Variants in SEMA6D observed in about 807,000 individuals in gnomAD.
The protein encoded by SEMA6D is semaphorin-6D.
In SEMA6D, 35 loss-of-function variants were observed where a neutral mutation model predicts 106.6. The ratio of observed to expected loss-of-function variants is 0.33; its 90% CI spans 0.25 to 0.44. SEMA6D has a LOEUF of 0.44. SEMA6D is among the 20% of genes least tolerant of loss of function. The pLI is 1.00. For missense variants in SEMA6D, 1,185 were observed against 1,345.9 expected, an observed-to-expected ratio of 0.88 and a Z score of 1.87; for synonymous variants, 499 against 487.7, an observed-to-expected ratio of 1.02 and a Z score of -0.31.
intron 3 of SEMA6D, among the ~76,000 whole-genome samples, chr15:47,488,346 A>T (rs2043358472): frequency 6.6e-6 from 1 of 151,908 alleles, no homozygotes; most frequent in Non-Finnish European, 1.5e-5. Flanking sequence ...CTTTATAGAC[A>T]TGTCTGGTTT....
intron 1 of SEMA6D, among the ~76,000 whole-genome samples, chr15:47,398,768 C>A (rs535620343): frequency 1.6e-4 from 24 of 152,278 alleles, no homozygotes; most frequent in African/African-American, 5.8e-4. Context: ...GAGTAGCTGT[C>A]ATCACCCTCT....
intron 4 of SEMA6D, among the ~76,000 whole-genome samples, chr15:47,679,523 C>G (rs1466328136): frequency 6.6e-6 from 1 of 152,170 alleles, no homozygotes; most frequent in Non-Finnish European, 1.5e-5. Context: ...TCACTCTGGC[C>G]CCTCGGCAGC....
At chr15:47,663,746 G>A (rs1057308375) in intron 4 of SEMA6D, among the ~76,000 whole-genome samples, 10 of 152,204 alleles carry the variant, frequency 6.6e-5, no homozygotes, top group African/African-American at 1.4e-4. Context: ...GATATTCTAA[G>A]AGTTTGGATA....
At chr15:47,558,090 C>T (rs553393472) in intron 3 of SEMA6D, among the ~76,000 whole-genome samples, 1 of 152,222 alleles carries the variant, frequency 6.6e-6, no homozygotes, top group South Asian at 2.1e-4. Context: ...CATCATTTCA[C>T]TTCACTGGAC....
At chr15:47,188,267 A>G (rs912546731) in intron 1 of SEMA6D, among the ~76,000 whole-genome samples, 1 of 152,218 alleles carries the variant, frequency 6.6e-6, no homozygotes, top group Non-Finnish European at 1.5e-5. Context: ...AGTGATTCAA[A>G]TAAGCCCATT....
At chr15:47,647,719 C>CAAAAAAAAAAAAAAAAAAAAA (rs777557315) in intron 4 of SEMA6D, among the ~76,000 whole-genome samples, 19 of 93,820 alleles carry the variant, frequency 2.0e-4, no homozygotes, top group South Asian at 1.5e-3. Flanking sequence ...CAATTGTGGG[C>CAAAAAAAAAAAAAAAAAAAAA]AAAAAAAAAA....
chr15:47,720,253 T>A (rs868775792), intron 1 of SEMA6D, among the ~76,000 whole-genome samples: 1 of 147,074 alleles, frequency 6.8e-6, no homozygotes, highest in Non-Finnish European at 1.5e-5. Context: ...GCTATATCAA[T>A]AACCTTTCTT....
At chr15:47,461,359 T>C (rs910603373) in intron 2 of SEMA6D, among the ~76,000 whole-genome samples, 1 of 152,022 alleles carries the variant, frequency 6.6e-6, no homozygotes, top group African/African-American at 2.4e-5. Flanking sequence ...CACTCTTGAA[T>C]GTATGCTGCA....
At chr15:47,765,791 C>G in intron 13 of SEMA6D, 78 bp from the exon 14 acceptor site, 2 of 1,323,518 alleles carry the variant, frequency 1.5e-6, no homozygotes, top group Admixed American at 5.3e-5. Flanking sequence ...TTATGATTTC[C>G]CAGGTCTCAG....
chr15:47,227,368 C>G (rs1188167259), intron 1 of SEMA6D, among the ~76,000 whole-genome samples: 2 of 147,754 alleles, frequency 1.4e-5, no homozygotes, highest in African/African-American at 5.2e-5. Flanking sequence ...TGTGTCTCTT[C>G]CTTTTTCCTT....
At chr15:47,737,364 T>G (rs2080508191) in intron 1 of SEMA6D, among the ~76,000 whole-genome samples, 1 of 152,196 alleles carries the variant, frequency 6.6e-6, no homozygotes, top group South Asian at 2.1e-4. Context: ...GGATGGAAGG[T>G]AACTTAATGT....
intron 4 of SEMA6D, among the ~76,000 whole-genome samples, chr15:47,688,265 G>T (rs1355295764): frequency 6.6e-6 from 1 of 152,066 alleles, no homozygotes; most frequent in Admixed American, 6.6e-5. Context: ...AGCTGATCAG[G>T]TCATGCTGAG....
At chr15:47,366,161 T>TATAC (rs2039023069) in intron 1 of SEMA6D, among the ~76,000 whole-genome samples, 1 of 152,236 alleles carries the variant, frequency 6.6e-6, no homozygotes, top group Non-Finnish European at 1.5e-5. Context: ...ATCTGTTATT[T>TATAC]ATACATAGTA....
chr15:47,348,707 ACACACACACAC>A (rs1217687077), intron 1 of SEMA6D, among the ~76,000 whole-genome samples: 89 of 88,622 alleles, frequency 1.0e-3, no homozygotes, highest in Non-Finnish European at 1.7e-3. Context: ...ACACACACAC[ACACACACACAC>A]CACACACACA....
At chr15:47,682,542 AAATATGTAAAG>A (rs1411527244) in intron 4 of SEMA6D, among the ~76,000 whole-genome samples, 1 of 152,186 alleles carries the variant, frequency 6.6e-6, no homozygotes, top group African/African-American at 2.4e-5. Flanking sequence ...TCACAACTGA[AAATATGTAAAG>A]AATTGGTAAC....
At chr15:47,539,189 T>C (rs540237081) in intron 3 of SEMA6D, among the ~76,000 whole-genome samples, 2 of 152,322 alleles carry the variant, frequency 1.3e-5, no homozygotes, top group South Asian at 4.1e-4. Flanking sequence ...CTTTCCTATA[T>C]TGTGATGTGC....
intron 1 of SEMA6D, among the ~76,000 whole-genome samples, chr15:47,253,465 T>G (rs1445895693): frequency 6.6e-6 from 1 of 152,196 alleles, no homozygotes; most frequent in Admixed American, 6.5e-5. Context: ...TCCCAAGTGT[T>G]TTCTTTCAGT....
intron 1 of SEMA6D, among the ~76,000 whole-genome samples, chr15:47,288,847 G>A (rs922855139): frequency 5.9e-5 from 9 of 152,174 alleles, no homozygotes; most frequent in Non-Finnish European, 2.9e-5. Context: ...GGACAGCCGA[G>A]CACAACTTAA....
intron 4 of SEMA6D, among the ~76,000 whole-genome samples, chr15:47,629,212 C>G (rs1036902082): frequency 1.3e-5 from 2 of 151,992 alleles, no homozygotes; most frequent in African/African-American, 4.8e-5. Context: ...GATGGTGACT[C>G]TTTCCACCTT....
Sources: allele counts gnomAD v4.1 joint callset (sites outside exome capture counted in the v4.1 genomes callset), GRCh38; gene constraint gnomAD v4.1.1; transcripts MANE v1.5; gene names NCBI Gene and HGNC (gene_info 2026-07-23, HGNC 2026-07-21).